Variants in GRIN2A observed in about 807,000 individuals in gnomAD.
GRIN2A encodes glutamate receptor ionotropic, NMDA 2A.
In GRIN2A, 22 loss-of-function variants were observed where a neutral mutation model predicts 113.4. The observed-to-expected ratio is 0.19, with a 90% confidence interval of 0.14 to 0.28. The LOEUF is 0.28. Ranked by LOEUF, GRIN2A falls within the 10% of genes least tolerant of loss-of-function variation. The probability of loss-of-function intolerance (pLI) is 1.00; values close to 1 mark genes in which losing one functional copy is unlikely to be tolerated. For missense variants in GRIN2A, 1,502 were observed against 1,887.0 expected (o/e 0.80, Z 3.78); for synonymous variants, 827 against 738.4 (o/e 1.12, Z -1.94).
chr16:9,969,041 C>CT (rs1340247849), intron 2 of GRIN2A, among the ~76,000 whole-genome samples: 11 of 151,950 alleles, frequency 7.2e-5, no homozygotes, highest in South Asian at 2.1e-4. Flanking sequence ...ATTTCACATT[C>CT]TTTTTTTTCA....
intron 11 of GRIN2A, among the ~76,000 whole-genome samples, chr16:9,787,022 A>T (rs1239622202): frequency 6.6e-6 from 1 of 152,204 alleles, no homozygotes; most frequent in African/African-American, 2.4e-5. Context: ...GCAGAACATC[A>T]CATGACAGAT....
chr16:9,826,810 A>C (rs1451601812), intron 9 of GRIN2A, among the ~76,000 whole-genome samples: 1 of 152,178 alleles, frequency 6.6e-6, no homozygotes, highest in Non-Finnish European at 1.5e-5. Flanking sequence ...AGTGAAGGTC[A>C]GTCAAATTAT....
chr16:9,986,871 T>C (rs768022987), intron 2 of GRIN2A, among the ~76,000 whole-genome samples: 9 of 151,936 alleles, frequency 5.9e-5, no homozygotes, highest in Non-Finnish European at 1.3e-4. Flanking sequence ...CAACCTCACA[T>C]AGGTATTTTC....
Position 9,758,176 on chromosome 16 carries a change from G to A in GRIN2A, c.*4973C>T, listed in dbSNP as rs943147029. On this transcript the variant is annotated 3_prime_UTR_variant, in exon 13 of 13. Transcript: ENST00000330684. ...ATTTTTCTAAGACCCTTCTGGGCAGGCACTTCTAGCTAATACTATACTGAA... is the reference window on the plus strand; with the variant it reads ...ATTTTTCTAAGACCCTTCTGGGCAGACACTTCTAGCTAATACTATACTGAA... The A allele has an allele frequency of 9.2e-6, 2 of 217,890 alleles. No individual in the cohort carries two copies. Among genetic ancestry groups the A allele is most frequent in the Non-Finnish European group, 1.8e-5 (2 of 108,318 alleles). 13.5% of individuals were successfully genotyped at this position (217,890 alleles called of 1,614,324 possible).
chr16:9,782,583 C>T (rs1380568535), intron 11 of GRIN2A, among the ~76,000 whole-genome samples: 1 of 152,170 alleles, frequency 6.6e-6, no homozygotes, highest in Non-Finnish European at 1.5e-5. Context: ...ATCTTATTTC[C>T]ACTTTGATGG....
At chr16:9,886,827 T>A (rs1204362617) in intron 4 of GRIN2A, among the ~76,000 whole-genome samples, 1 of 152,200 alleles carries the variant, frequency 6.6e-6, no homozygotes. Context: ...GGGTTAAATA[T>A]GAAAGCTCAG....
At chr16:9,862,522 A>C (rs2043088886) in intron 4 of GRIN2A, among the ~76,000 whole-genome samples, 1 of 152,218 alleles carries the variant, frequency 6.6e-6, no homozygotes, top group Admixed American at 6.5e-5. Context: ...ATGCTTGTTC[A>C]ATCTCAAATT....
At chr16:9,799,310 A>G (rs945849632) in intron 10 of GRIN2A, among the ~76,000 whole-genome samples, 4 of 152,184 alleles carry the variant, frequency 2.6e-5, no homozygotes, top group African/African-American at 7.2e-5. Flanking sequence ...ACATGCACAC[A>G]GGGAGAACGC....
At chr16:10,122,836 C>A (rs921699125) in intron 2 of GRIN2A, among the ~76,000 whole-genome samples, 4 of 152,078 alleles carry the variant, frequency 2.6e-5, no homozygotes, top group Non-Finnish European at 5.9e-5. Context: ...TCTATGCAAC[C>A]ACTCATTATT....
chr16:9,898,520 T>G (rs1206574139), intron 3 of GRIN2A, among the ~76,000 whole-genome samples: 1 of 152,194 alleles, frequency 6.6e-6, no homozygotes, highest in African/African-American at 2.4e-5. Context: ...ATTCACTATT[T>G]CCCCCTTAGA....
rs952959990 is a variant in GRIN2A at position 9,961,691 on chromosome 16, G to A, written c.415-23140C>T. 5.3e-5 allele frequency among the ~76,000 whole-genome samples: 8 copies of A among 152,012 alleles called. No homozygotes were observed. In the East Asian group the frequency reaches 1.2e-3, roughly 22 times the overall value. The stretch of plus-strand genomic sequence containing the variant: ...AATTTTTGAGATTTTTCGTGAAAAC[G>A]GCCATACTGCCCAAGGTAATTTATA... On this transcript the variant is annotated intron_variant, in intron 2 of 12. Coordinates refer to ENST00000330684, the MANE Select transcript of GRIN2A (RefSeq NM_001134407.3).
rs1277391984 is a variant in GRIN2A at position 9,763,387 on chromosome 16, G to A, written c.4157C>T (p.Pro1386Leu). The change falls in exon 13 of 13, where the codon CCT becomes CTT. Residue 1386 changes from proline to leucine, a missense_variant. Transcript: ENST00000330684. ...CTGGGATGGCAACGAGTGTTTGTAA[G>A]GGTCCGAGGGGCATCTCCCAATAAC... Reference protein sequence around the residue: ...RLVIGRCPSDPYKHSLPSQAV... With the variant: ...RLVIGRCPSDLYKHSLPSQAV... 1.2e-6 allele frequency: 2 copies of A among 1,614,156 alleles called. No individual in the cohort carries two copies. Among genetic ancestry groups the A allele is most frequent in the Non-Finnish European group, 1.7e-6 (2 of 1,180,018 alleles).
At position 10,080,281 on chromosome 16, in the gene GRIN2A, G is replaced by C. The variant is rs555529697; in HGVS notation, c.414+99717C>G. Among the ~76,000 whole-genome samples the C allele has an allele frequency of 3.9e-5, 6 of 152,234 alleles. No individual in the cohort carries two copies. In the South Asian group the frequency reaches 1.2e-3, roughly 32 times the overall value. ...GAATGAGCAAATAAATCAATGAATG[G>C]GTTTCCTGATTACCTTATCTTTAAG... On this transcript the variant is annotated intron_variant, in intron 2 of 12. Coordinates refer to ENST00000330684, the MANE Select transcript of GRIN2A (RefSeq NM_001134407.3).
intron 11 of GRIN2A, among the ~76,000 whole-genome samples, chr16:9,784,635 C>T (rs1243896156): frequency 6.6e-6 from 1 of 151,976 alleles, no homozygotes; most frequent in Non-Finnish European, 1.5e-5. Flanking sequence ...AAAGAAACTA[C>T]CATCAGAGTG....
At chr16:10,011,657 C>T (rs1017396397) in intron 2 of GRIN2A, among the ~76,000 whole-genome samples, 2 of 152,142 alleles carry the variant, frequency 1.3e-5, no homozygotes, top group African/African-American at 4.8e-5. Flanking sequence ...TTTTGCAGAG[C>T]ACCCTTGAAA....
At chr16:10,022,142 C>G (rs1048106024) in intron 2 of GRIN2A, among the ~76,000 whole-genome samples, 1 of 150,894 alleles carries the variant, frequency 6.6e-6, no homozygotes, top group Admixed American at 6.6e-5. Flanking sequence ...AGGCACACAT[C>G]AAAATACCAC....
intron 2 of GRIN2A, among the ~76,000 whole-genome samples, chr16:9,990,345 A>G (rs1018356342): frequency 6.6e-6 from 1 of 152,092 alleles, no homozygotes; most frequent in African/African-American, 2.4e-5. Flanking sequence ...GCTCATGGAC[A>G]TAAAGATGGG....
At chr16:10,083,954 T>C (rs950128129) in intron 2 of GRIN2A, among the ~76,000 whole-genome samples, 2 of 151,894 alleles carry the variant, frequency 1.3e-5, no homozygotes, top group Non-Finnish European at 1.5e-5. Flanking sequence ...AATACAAATA[T>C]GAGCCAGGCA....
chr16:10,150,216 G>A (rs953836926), intron 2 of GRIN2A, among the ~76,000 whole-genome samples: 18 of 152,178 alleles, frequency 1.2e-4, no homozygotes, highest in African/African-American at 4.3e-4. Context: ...TATGTAAAGA[G>A]GCAGCTTTTC....
Sources: gnomAD v4.1 joint callset for allele counts (sites outside exome capture counted in the v4.1 genomes callset) on GRCh38, gnomAD v4.1.1 for gene constraint, MANE v1.5 for transcripts, NCBI Gene and HGNC (gene_info 2026-07-23, HGNC 2026-07-21) for gene names.